Variants in NKAIN3 observed in about 807,000 individuals in gnomAD.
NKAIN3 encodes the protein sodium/potassium transporting ATPase interacting 3.
Under a neutral mutation model 30.2 loss-of-function variants are expected in NKAIN3, and 25 were observed. That is an observed-to-expected ratio of 0.83 (90% CI 0.60 to 1.16). The LOEUF (loss-of-function observed/expected upper bound fraction) is 1.16, where lower values mean the gene tolerates loss of function less well. Among genes scored for constraint, NKAIN3 ranks in the 50% most tolerant of loss-of-function variants. The probability of loss-of-function intolerance (pLI) is 0.00; values close to 1 mark genes in which losing one functional copy is unlikely to be tolerated. For missense variants in NKAIN3, 225 were observed against 254.1 expected, an observed-to-expected ratio of 0.89 and a Z score of 0.78; for synonymous variants, 91 against 89.6, an observed-to-expected ratio of 1.02 and a Z score of -0.09.
intron 4 of NKAIN3, among the ~76,000 whole-genome samples, chr8:62,886,270 A>G (rs1586310907): frequency 6.6e-6 from 1 of 152,180 alleles, no homozygotes; most frequent in East Asian, 1.9e-4. Context: ...GTGCCTCATA[A>G]TAGTAAAATA....
Position 62,971,945 on chromosome 8 carries a change from C to A in NKAIN3, c.*6538C>A, listed in dbSNP as rs1424794186. ...TCCTTCTAGGTTTCCCATAATTTTG[C>A]AGACAGGTTTAGCTTTTCTTCTCTA... On this transcript the variant is annotated 3_prime_UTR_variant, in exon 7 of 7. Transcript: ENST00000623646. Among the ~76,000 whole-genome samples the A allele has an allele frequency of 1.3e-5, 2 of 152,148 alleles. No homozygotes were observed. The highest frequency in any genetic ancestry group is 1.3e-4 in the Admixed American group (2 of 15,262).
chr8:62,722,513 A>C (rs1815123964), intron 3 of NKAIN3, among the ~76,000 whole-genome samples: 1 of 152,166 alleles, frequency 6.6e-6, no homozygotes, highest in African/African-American at 2.4e-5. Context: ...GCCCTTATAC[A>C]CTCATGAACT....
At chr8:62,903,588 T>C (rs914883930) in intron 4 of NKAIN3, among the ~76,000 whole-genome samples, 16 of 152,096 alleles carry the variant, frequency 1.1e-4, no homozygotes, top group African/African-American at 3.4e-4. Flanking sequence ...GAGATGAAAC[T>C]GTCCACCTGC....
chr8:62,350,938 C>T (rs1426893702), intron 1 of NKAIN3, among the ~76,000 whole-genome samples: 2 of 151,954 alleles, frequency 1.3e-5, no homozygotes, highest in South Asian at 2.1e-4. Context: ...GATCCACCCA[C>T]TTCGGCCTCC....
chr8:62,952,193 GATAA>G (rs1279302172), intron 5 of NKAIN3, among the ~76,000 whole-genome samples: 4 of 151,930 alleles, frequency 2.6e-5, no homozygotes, highest in Non-Finnish European at 5.9e-5. Context: ...AAATATTAAA[GATAA>G]ATATATTTAT....
intron 1 of NKAIN3, among the ~76,000 whole-genome samples, chr8:62,435,483 C>T (rs909445080): frequency 6.6e-6 from 1 of 152,130 alleles, no homozygotes; most frequent in Non-Finnish European, 1.5e-5. Context: ...AGTAGATATA[C>T]GAAGCCAAGA....
intron 4 of NKAIN3, among the ~76,000 whole-genome samples, chr8:62,903,150 T>A (rs996357953): frequency 2.0e-5 from 3 of 152,188 alleles, no homozygotes; most frequent in African/African-American, 7.2e-5. Flanking sequence ...GCTGTTTCTG[T>A]TGTGCATTTT....
intron 1 of NKAIN3, among the ~76,000 whole-genome samples, chr8:62,447,821 C>A (rs1247323507): frequency 6.6e-6 from 1 of 151,874 alleles, no homozygotes; most frequent in Non-Finnish European, 1.5e-5. Context: ...ACTTCAAGGC[C>A]AAATGGAAAT....
At chr8:62,619,746 C>T (rs1458926042) in intron 3 of NKAIN3, among the ~76,000 whole-genome samples, 9 of 150,398 alleles carry the variant, frequency 6.0e-5, no homozygotes. Context: ...ACCACTAATG[C>T]GTGTTGGTAA....
chr8:62,637,359 C>A (rs181958920), intron 3 of NKAIN3, among the ~76,000 whole-genome samples: 1 of 152,294 alleles, frequency 6.6e-6, no homozygotes. Flanking sequence ...CTCTGCAAAC[C>A]TTGCTGGACC....
chr8:62,759,890 G>A (rs1816588774), intron 4 of NKAIN3, among the ~76,000 whole-genome samples: 1 of 152,040 alleles, frequency 6.6e-6, no homozygotes, highest in Non-Finnish European at 1.5e-5. Context: ...CTGATACCCA[G>A]AATCTACATA....
chr8:62,964,894 T>G (rs561384188), intron 6 of NKAIN3, among the ~76,000 whole-genome samples: 47 of 152,134 alleles, frequency 3.1e-4, no homozygotes, highest in African/African-American at 9.6e-4. Context: ...TGCTGACACA[T>G]AAAAGTAGCC....
chr8:62,668,111 TAC>T (rs5891867), intron 3 of NKAIN3, among the ~76,000 whole-genome samples: 2,343 of 148,794 alleles, frequency 0.016, 22 homozygotes, highest in Non-Finnish European at 0.024. Flanking sequence ...CACACACACA[TAC>T]ACACACACAC....
chr8:62,875,694 C>T (rs546166355), intron 4 of NKAIN3, among the ~76,000 whole-genome samples: 11 of 152,052 alleles, frequency 7.2e-5, no homozygotes, highest in East Asian at 5.8e-4. Context: ...ATCTGATCTT[C>T]GACAAACTTG....
At chr8:62,995,553 A>T (rs898821804) in intron 5 of NKAIN3, among the ~76,000 whole-genome samples, 9 of 152,304 alleles carry the variant, frequency 5.9e-5, no homozygotes, top group African/African-American at 1.9e-4. Flanking sequence ...AAGAAAAGCT[A>T]AACTGATCTA....
intron 3 of NKAIN3, among the ~76,000 whole-genome samples, chr8:62,703,254 T>C (rs946099337): frequency 6.6e-6 from 1 of 152,218 alleles, no homozygotes; most frequent in African/African-American, 2.4e-5. Context: ...AATCTTATGA[T>C]ATTCACTGTT....
chr8:62,278,805 T>G (rs1277045231), intron 1 of NKAIN3, among the ~76,000 whole-genome samples: 1 of 152,210 alleles, frequency 6.6e-6, no homozygotes, highest in African/African-American at 2.4e-5. Context: ...TGGTTCCAAG[T>G]CTTTTCTATT....
At position 62,792,543 on chromosome 8, in the gene NKAIN3, A is replaced by G. The variant is rs1232560217; in HGVS notation, c.471+45414A>G. 1.1e-3 allele frequency among the ~76,000 whole-genome samples: 4 copies of G among 3,730 alleles called. 1 individual carries two copies. The highest frequency in any genetic ancestry group is 7.6e-3 in the East Asian group (4 of 528). 2.4% of individuals were successfully genotyped at this position (3,730 alleles called of 152,430 possible). On this transcript the variant is annotated intron_variant, in intron 4 of 6. Coordinates refer to ENST00000623646, the MANE Select transcript of NKAIN3 (RefSeq NM_001304533.3). ...GTGGAGACATTGAAATGGAGAGAAG[A>G]ATAAAACATGGTCCTTGTTCTCAAG...
At chr8:62,913,750 C>T (rs565255110) in intron 4 of NKAIN3, among the ~76,000 whole-genome samples, 1 of 152,276 alleles carries the variant, frequency 6.6e-6, no homozygotes, top group Admixed American at 6.5e-5. Flanking sequence ...TTAGTACAAG[C>T]TCCCTGTCAA....
Sources: allele counts gnomAD v4.1 joint callset (sites outside exome capture counted in the v4.1 genomes callset), GRCh38; gene constraint gnomAD v4.1.1; transcripts MANE v1.5; gene names NCBI Gene and HGNC (gene_info 2026-07-23, HGNC 2026-07-21).